The following RGS21 variants were observed in gnomAD, a reference collection of about 807,000 sequenced individuals.
The protein encoded by RGS21 is regulator of G-protein signalling 21.
RGS21 carries 19 observed loss-of-function variants against 18.7 expected under a neutral mutation model. The ratio of observed to expected loss-of-function variants is 1.01; its 90% CI spans 0.71 to 1.49. RGS21 has a LOEUF of 1.49. Ranked by LOEUF, RGS21 falls within the 40% of genes most tolerant of loss-of-function variation. The pLI, the probability that RGS21 is intolerant of heterozygous loss-of-function variation, is 0.00. For missense variants in RGS21, 194 were observed against 176.8 expected (o/e 1.10, Z -0.55); for synonymous variants, 56 against 57.8 (o/e 0.97, Z 0.14).
chr1:192,359,521 A>G (rs969585134), intron 4 of RGS21, among the ~76,000 whole-genome samples: 2 of 151,922 alleles, frequency 1.3e-5, no homozygotes, highest in African/African-American at 4.8e-5. Flanking sequence ...CTGGTAGAAT[A>G]CAAACAAAAA....
At chr1:192,354,596 T>C (rs1056749641) in intron 4 of RGS21, among the ~76,000 whole-genome samples, 4 of 151,696 alleles carry the variant, frequency 2.6e-5, no homozygotes, top group African/African-American at 9.7e-5. Flanking sequence ...ATATTTGAGA[T>C]GGTTGGAAAA....
At chr1:192,351,396 C>T (rs1199231380) in intron 3 of RGS21, among the ~76,000 whole-genome samples, 1 of 152,010 alleles carries the variant, frequency 6.6e-6, no homozygotes, top group African/African-American at 2.4e-5. Context: ...CAAACCAATA[C>T]AATTTAACAC....
intron 1 of RGS21, among the ~76,000 whole-genome samples, chr1:192,342,443 C>G (rs1010416795): frequency 6.6e-6 from 1 of 151,870 alleles, no homozygotes; most frequent in African/African-American, 2.4e-5. Flanking sequence ...GCAATAAAAA[C>G]TGCATAAATT....
At chr1:192,338,075 G>A (rs7545041) in intron 1 of RGS21, among the ~76,000 whole-genome samples, 51,260 of 151,920 alleles carry the variant, frequency 0.34, 9,998 homozygotes, top group African/African-American at 0.53. Context: ...TTGTCAACAA[G>A]CATACTAAGA....
chr1:192,325,461 G>T (rs1658556426), intron 1 of RGS21, among the ~76,000 whole-genome samples: 1 of 151,994 alleles, frequency 6.6e-6, no homozygotes, highest in Non-Finnish European at 1.5e-5. Flanking sequence ...ATATTCCTTT[G>T]GGTAAATATC....
chr1:192,355,054 C>A (rs1659092795), intron 4 of RGS21, among the ~76,000 whole-genome samples: 1 of 151,544 alleles, frequency 6.6e-6, no homozygotes, highest in African/African-American at 2.4e-5. Flanking sequence ...TAAAGTGTTA[C>A]ATTCTCTCTG....
In RGS21 at chr1:192,333,331, C is replaced by G. The variant is rs552181293; in HGVS notation, c.-60-9646C>G. ...ACCATAGGACCCATCAATTGTAATC[C>G]TACACATTTAATCCAGATAAATAAA... On this transcript the variant is annotated intron_variant, in intron 1 of 4. Coordinates refer to ENST00000417209, the MANE Select transcript of RGS21 (RefSeq NM_001039152.3). Among the ~76,000 whole-genome samples, 19 of 150,082 alleles carry G rather than the reference C, an allele frequency of 1.3e-4. 1 individual carries two copies. The highest frequency in any genetic ancestry group is 4.7e-4 in the African/African-American group (19 of 40,746).
At chr1:192,333,919 C>G (rs1658726575) in intron 1 of RGS21, among the ~76,000 whole-genome samples, 1 of 152,118 alleles carries the variant, frequency 6.6e-6, no homozygotes, top group Admixed American at 6.5e-5. Flanking sequence ...TGAAACCTGT[C>G]TGTTCTGTCT....
At chr1:192,336,748 A>G (rs1658773131) in intron 1 of RGS21, among the ~76,000 whole-genome samples, 1 of 150,092 alleles carries the variant, frequency 6.7e-6, no homozygotes, top group African/African-American at 2.5e-5. Context: ...TTCTCCATTA[A>G]AAAAAAATGA....
intron 1 of RGS21, among the ~76,000 whole-genome samples, chr1:192,336,522 CT>C (rs1658770693): frequency 6.6e-6 from 1 of 151,856 alleles, no homozygotes; most frequent in East Asian, 1.9e-4. Flanking sequence ...AATGCAAGAC[CT>C]GGTTACTGTC....
At chr1:192,317,822 A>T (rs930322657) in intron 1 of RGS21, among the ~76,000 whole-genome samples, 1 of 152,010 alleles carries the variant, frequency 6.6e-6, no homozygotes, top group African/African-American at 2.4e-5. Flanking sequence ...CACTCTAAGT[A>T]AAGTCTTATT....
At chr1:192,365,385 T>C (rs562108957) in intron 4 of RGS21, among the ~76,000 whole-genome samples, 1 of 152,202 alleles carries the variant, frequency 6.6e-6, no homozygotes, top group East Asian at 1.9e-4. Context: ...AGATTATATG[T>C]AGATATATGT....
intron 2 of RGS21, among the ~76,000 whole-genome samples, chr1:192,344,053 A>G (rs1037403479): frequency 1.3e-5 from 2 of 152,058 alleles, no homozygotes; most frequent in African/African-American, 4.8e-5. Flanking sequence ...CATCTACCAT[A>G]AGAAATGCCC....
chr1:192,363,742 C>A (rs1421940061), intron 4 of RGS21, among the ~76,000 whole-genome samples: 1 of 152,060 alleles, frequency 6.6e-6, no homozygotes, highest in East Asian at 1.9e-4. Context: ...AACAAAAATT[C>A]CTTGCTTACA....
At chr1:192,336,604 G>A (rs2102227293) in intron 1 of RGS21, among the ~76,000 whole-genome samples, 1 of 152,144 alleles carries the variant, frequency 6.6e-6, no homozygotes, top group Admixed American at 6.5e-5. Context: ...AGTTATTTCA[G>A]CAATAATCTA....
chr1:192,321,107 T>C (rs1250689829), intron 1 of RGS21, among the ~76,000 whole-genome samples: 1 of 152,010 alleles, frequency 6.6e-6, no homozygotes, highest in Non-Finnish European at 1.5e-5. Flanking sequence ...TAAGACTTCA[T>C]GTCTCTAAAA....
rs1463686769 is a variant in RGS21 at position 192,354,650 on chromosome 1, T to G, written c.255+2437T>G. The stretch of plus-strand genomic sequence containing the variant: ...AAAATTAAATCAAGAATGAGATTTA[T>G]ATGAGGATATTCTCAGTTTTTCTAT... On this transcript the variant is annotated intron_variant, in intron 4 of 4. Transcript: ENST00000417209. Among the ~76,000 whole-genome samples, 9 of 151,856 alleles carry G rather than the reference T, an allele frequency of 5.9e-5. No homozygotes were observed. In the East Asian group the frequency reaches 1.7e-3, roughly 29 times the overall value.
chr1:192,365,829 G>T, intron 4 of RGS21, 92 bp from the exon 5 acceptor site: 1 of 688,708 alleles, frequency 1.5e-6, no homozygotes, highest in Non-Finnish European at 2.4e-6. Context: ...GATTTGCTTT[G>T]TGTTTAGAAA....
chr1:192,325,037 A>T (rs1308951207), intron 1 of RGS21, among the ~76,000 whole-genome samples: 2 of 152,030 alleles, frequency 1.3e-5, no homozygotes, highest in South Asian at 4.1e-4. Context: ...TCTGGCTTGA[A>T]TATCTTATTT....
Sources: gnomAD v4.1 joint callset for allele counts (sites outside exome capture counted in the v4.1 genomes callset) on GRCh38, gnomAD v4.1.1 for gene constraint, MANE v1.5 for transcripts, NCBI Gene and HGNC (gene_info 2026-07-23, HGNC 2026-07-21) for gene names.